The following SOX5 variants were observed in gnomAD, a reference collection of about 807,000 sequenced individuals.
The protein encoded by SOX5 is transcription factor SOX-5.
SOX5 carries 9 observed loss-of-function variants against 92.0 expected under a neutral mutation model. The observed-to-expected ratio is 0.10, with a 90% CI of 0.06 to 0.17. The LOEUF (loss-of-function observed/expected upper bound fraction) is 0.17, where lower values mean the gene tolerates loss of function less well. SOX5 is among the 10% of genes least tolerant of loss of function. The pLI is 1.00. For missense variants in SOX5, 642 were observed against 944.5 expected (o/e 0.68, Z 4.20); for synonymous variants, 344 against 336.3 (o/e 1.02, Z -0.25).
At chr12:23,617,969 C>A (rs894916986) in intron 8 of SOX5, among the ~76,000 whole-genome samples, 1 of 152,274 alleles carries the variant, frequency 6.6e-6, no homozygotes, top group Middle Eastern at 3.4e-3. Context: ...GTTCCAACAT[C>A]TGCCTCCCCA....
chr12:23,576,176 A>G (rs1949073507), intron 9 of SOX5, among the ~76,000 whole-genome samples: 1 of 148,888 alleles, frequency 6.7e-6, no homozygotes, highest in Admixed American at 6.8e-5. Context: ...AATCTGAAAT[A>G]TGATGTAGGT....
chr12:23,859,238 CAT>C (rs1441135872), intron 2 of SOX5, among the ~76,000 whole-genome samples: 1 of 152,128 alleles, frequency 6.6e-6, no homozygotes, highest in South Asian at 2.1e-4. Context: ...TATAGATGGA[CAT>C]ATGAGTAGGA....
intron 1 of SOX5, among the ~76,000 whole-genome samples, chr12:24,474,930 AC>A (rs1483842123): frequency 2.6e-5 from 4 of 151,712 alleles, no homozygotes; most frequent in Admixed American, 6.6e-5. Flanking sequence ...GCTCACTGCA[AC>A]CTCTGCCTCC....
chr12:23,952,210 A>C (rs910539224), upstream of SOX5, among the ~76,000 whole-genome samples: 3 of 152,072 alleles, frequency 2.0e-5, no homozygotes, highest in Non-Finnish European at 4.4e-5. Flanking sequence ...GAAGAGGAGG[A>C]GGCGGGAGGA....
intron 6 of SOX5, among the ~76,000 whole-genome samples, chr12:23,703,195 C>T (rs1322588047): frequency 1.3e-5 from 2 of 152,020 alleles, no homozygotes; most frequent in Non-Finnish European, 2.9e-5. Context: ...AAGTGAAAAA[C>T]TCCAAGGTAA....
chr12:23,846,895 G>A (rs985935944), intron 2 of SOX5, among the ~76,000 whole-genome samples: 1 of 152,022 alleles, frequency 6.6e-6, no homozygotes, highest in Non-Finnish European at 1.5e-5. Context: ...ATCCTCATTT[G>A]CCCTATAAAA....
At chr12:24,244,575 A>G (rs1594748608) in intron 3 of SOX5, among the ~76,000 whole-genome samples, 2 of 152,374 alleles carry the variant, frequency 1.3e-5, no homozygotes, top group South Asian at 2.1e-4. Flanking sequence ...CCCTCTGCCA[A>G]CTGTGGTGAG....
At chr12:23,847,610 G>A (rs1179740228) in intron 2 of SOX5, among the ~76,000 whole-genome samples, 1 of 151,486 alleles carries the variant, frequency 6.6e-6, no homozygotes, top group African/African-American at 2.4e-5. Context: ...GTGAGTACAG[G>A]GACAACAGGC....
intron 8 of SOX5, among the ~76,000 whole-genome samples, chr12:23,637,360 A>T (rs970112226): frequency 6.6e-6 from 1 of 152,160 alleles, no homozygotes; most frequent in African/African-American, 2.4e-5. Context: ...AGAACAAGCC[A>T]ACAACAACAA....
At chr12:24,142,871 C>T (rs1485554205) in intron 4 of SOX5, among the ~76,000 whole-genome samples, 2 of 150,422 alleles carry the variant, frequency 1.3e-5, no homozygotes, top group African/African-American at 2.5e-5. Context: ...GACAAACCTG[C>T]ATAGAGAACT....
chr12:23,749,353 T>C (rs1351489141), intron 4 of SOX5, among the ~76,000 whole-genome samples: 2 of 151,952 alleles, frequency 1.3e-5, no homozygotes, highest in African/African-American at 4.8e-5. Flanking sequence ...ACCCTAATAC[T>C]ATAAGTATTC....
chr12:23,814,270 C>T (rs993798358), intron 3 of SOX5, among the ~76,000 whole-genome samples: 2 of 152,088 alleles, frequency 1.3e-5, no homozygotes, highest in African/African-American at 4.8e-5. Flanking sequence ...TCTTGCATTG[C>T]CCTTCACATA....
At chr12:24,138,832 C>T (rs1950321704) in intron 4 of SOX5, among the ~76,000 whole-genome samples, 1 of 152,006 alleles carries the variant, frequency 6.6e-6, no homozygotes, top group Admixed American at 6.6e-5. Flanking sequence ...AGAGATATTC[C>T]CCCCATTTTA....
chr12:24,106,834 A>AATG, intron 4 of SOX5, among the ~76,000 whole-genome samples: 1 of 136,192 alleles, frequency 7.3e-6, no homozygotes, highest in South Asian at 2.4e-4. Context: ...TAATAATAAT[A>AATG]ATAATAAATA....
At chr12:23,999,849 T>C (rs78832408) in intron 4 of SOX5, among the ~76,000 whole-genome samples, 21,144 of 151,814 alleles carry the variant, frequency 0.14, 1,854 homozygotes, top group Non-Finnish European at 0.2. Context: ...TACTGTTATA[T>C]TGCTATACCT....
intron 7 of SOX5, among the ~76,000 whole-genome samples, chr12:23,643,082 G>A (rs1304117489): frequency 1.9e-5 from 1 of 51,390 alleles, no homozygotes; most frequent in African/African-American, 8.3e-5. Flanking sequence ...GCGAGACTCC[G>A]TCTCAAAAAA....
At chr12:23,817,882 T>G (rs2096027195) in intron 3 of SOX5, among the ~76,000 whole-genome samples, 1 of 152,182 alleles carries the variant, frequency 6.6e-6, no homozygotes, top group Admixed American at 6.5e-5. Flanking sequence ...GTCTTTTCAT[T>G]AACCTATAAA....
chr12:23,963,374 A>G (rs1947175407), intron 4 of SOX5, among the ~76,000 whole-genome samples: 1 of 152,188 alleles, frequency 6.6e-6, no homozygotes, highest in South Asian at 2.1e-4. Context: ...TCTCATTTCT[A>G]TTTCTCTATA....
intron 1 of SOX5, among the ~76,000 whole-genome samples, chr12:24,549,075 T>C (rs1952915413): frequency 6.6e-6 from 1 of 152,202 alleles, no homozygotes; most frequent in African/African-American, 2.4e-5. Context: ...CACATGCTAT[T>C]CCTTTCACCT....
Sources: allele counts gnomAD v4.1 joint callset (sites outside exome capture counted in the v4.1 genomes callset), GRCh38; gene constraint gnomAD v4.1.1; transcripts MANE v1.5; gene names NCBI Gene and HGNC (gene_info 2026-07-23, HGNC 2026-07-21).